NTRK1: variants seen among roughly 807,000 people sequenced by gnomAD.
NTRK1 encodes the protein high affinity nerve growth factor receptor.
A neutral mutation model predicts 86.8 loss-of-function variants in NTRK1; 62 were observed. The observed-to-expected ratio is 0.71, with a 90% CI of 0.58 to 0.88. The LOEUF (loss-of-function observed/expected upper bound fraction) is 0.88, where lower values mean the gene tolerates loss of function less well. NTRK1 is among the 40% of genes least tolerant of loss of function. The pLI is 0.00. For synonymous variants in NTRK1, 469 were observed against 456.6 expected (o/e 1.03, Z -0.35); for missense variants, 967 against 1,078.4 (o/e 0.90, Z 1.45).
Position 156,873,728 on chromosome 1 carries a change from C to G in NTRK1, c.946C>G (p.Leu316Val), listed in dbSNP as rs1259835419. The change falls in exon 8 of 17, where the codon CTC (leucine) becomes GTC (valine). Residue 316 changes from leucine to valine, a missense_variant. Coordinates refer to ENST00000524377, the MANE Select transcript of NTRK1 (RefSeq NM_002529.4). ...DGQPAPSLRWLFNGSVLNETS... is the reference protein window; with the variant it reads ...DGQPAPSLRWVFNGSVLNETS... ...GCAGCCGGCACCGTCTCTGCGCTGG[C>G]TCTTCAATGGCTCCGTGCTCAATGA... The G allele has an allele frequency of 6.2e-6, 10 of 1,613,030 alleles. No individual in the cohort carries two copies. The highest frequency in any genetic ancestry group is 8.5e-6 in the Non-Finnish European group (10 of 1,179,700).
At chr1:156,870,565 G>T (rs1366091245) in intron 6 of NTRK1, among the ~76,000 whole-genome samples, 1 of 152,162 alleles carries the variant, frequency 6.6e-6, no homozygotes, top group Admixed American at 6.5e-5. Context: ...CGAAGTGGCT[G>T]GAACCCAGAG....
At chr1:156,855,212 T>C (rs4661064) in intron 2 of NTRK1, among the ~76,000 whole-genome samples, 157 of 28,578 alleles carry the variant, frequency 5.5e-3, no homozygotes, top group African/African-American at 0.013. Context: ...ATCTATCTAT[T>C]TATTTATTTG....
chr1:156,844,935 G>T (rs559616450), intron 2 of NTRK1: 1 of 1,576,828 alleles, frequency 6.3e-7, no homozygotes, highest in African/African-American at 1.3e-5. Context: ...CTGGGAGGTG[G>T]GGAAAGCTTT....
intron 1 of NTRK1, among the ~76,000 whole-genome samples, chr1:156,822,065 T>C (rs962107472): frequency 2.6e-5 from 4 of 152,194 alleles, no homozygotes; most frequent in Non-Finnish European, 5.9e-5. Context: ...AGGGCTCTGA[T>C]AGAGGCAGTG....
chr1:156,861,739 C>G (rs966065365), intron 1 of NTRK1, among the ~76,000 whole-genome samples: 2 of 152,124 alleles, frequency 1.3e-5, no homozygotes, highest in African/African-American at 4.8e-5. Flanking sequence ...AAATGGGACC[C>G]CCTCCTGGAT....
chr1:156,841,271 C>T lies in NTRK1; in HGVS notation c.-63-810C>T, dbSNP rs537019000. 806 of 1,053,156 alleles carry T rather than the reference C, an allele frequency of 7.7e-4. 3 individuals are homozygous for T. Among genetic ancestry groups the T allele is most frequent in the Middle Eastern group, 4.5e-3 (15 of 3,348 alleles). The allele number at this position is 1,053,156 out of a possible 1,614,324, so 65.2% of individuals were successfully genotyped here. A position where few individuals can be genotyped will look rare whatever the true frequency, so the allele number is the denominator to read the frequency against. ...TTGGGGGTTTGGGATAGGGGGGTGG[C>T]GCTCATAGCTGAGGGTCAGTGGATG... is the stretch of plus-strand genomic sequence containing the variant. On this transcript the variant is annotated intron_variant, in intron 1 of 16. Coordinates refer to the NTRK1 transcript ENST00000392302.
intron 1 of NTRK1, among the ~76,000 whole-genome samples, chr1:156,838,655 G>T (rs746620903): frequency 2.0e-5 from 3 of 152,222 alleles, no homozygotes; most frequent in Non-Finnish European, 4.4e-5. Context: ...GACTTGGACA[G>T]CAATAGAGCT....
chr1:156,817,873 C>A (rs1006795471), intron 1 of NTRK1, among the ~76,000 whole-genome samples: 2 of 152,088 alleles, frequency 1.3e-5, no homozygotes, highest in Non-Finnish European at 2.9e-5. Context: ...GAACTCCTGG[C>A]GTCAAGTGAT....
intron 15 of NTRK1, 104 bp downstream of exon 15, chr1:156,879,466 T>G: frequency 7.0e-7 from 1 of 1,429,058 alleles, no homozygotes; most frequent in Non-Finnish European, 9.4e-7. Flanking sequence ...GCTGCATGGG[T>G]CTGAGATTCA....
At chr1:156,846,098 AC>A in intron 2 of NTRK1, 1 of 1,605,178 alleles carries the variant, frequency 6.2e-7, no homozygotes, top group South Asian at 1.1e-5. Flanking sequence ...CGTGGAGATG[AC>A]GTCTTGGGGC....
chr1:156,851,308 C>G, intron 2 of NTRK1: 1 of 1,614,124 alleles, frequency 6.2e-7, no homozygotes, highest in South Asian at 1.1e-5. Context: ...CATGGCGTCT[C>G]CCCGGATTAG....
rs374392471 is a variant in NTRK1, at chr1:156,851,409, G to A, written c.50+9216G>A. On this transcript the variant is annotated intron_variant, in intron 2 of 16. Transcript: ENST00000392302. ...TAATGGTTTCTACCAGCCCCAGGCT[G>A]TGCTGCAGCTGTGGCTCCAGGTTGT... 42 of 1,614,068 alleles carry A rather than the reference G, an allele frequency of 2.6e-5. 1 individual carries two copies. In the Middle Eastern group the frequency reaches 4.9e-4, roughly 19 times the overall value.
chr1:156,881,103 T>C (rs991356558), intron 16 of NTRK1, among the ~76,000 whole-genome samples: 3 of 152,192 alleles, frequency 2.0e-5, no homozygotes, highest in Non-Finnish European at 4.4e-5. Context: ...CAGAGGGCCC[T>C]TCTCCTCCTC....
In NTRK1 at chr1:156,874,921, G is replaced by A. The variant is rs1647804518; in HGVS notation, c.1267G>A (p.Gly423Ser). 6.2e-7 allele frequency: 1 copy of A among 1,613,402 alleles called. No homozygotes were observed. Among genetic ancestry groups the A allele is most frequent in the Non-Finnish European group, 8.5e-7 (1 of 1,179,698 alleles). ...CCCCCACCAGGTCTCGGTGGCTGTG[G>A]GCCTGGCCGTCTTTGCCTGCCTCTT... The part of the protein sequence containing the change: ...ETPFGVSVAV[G>S]LAVFACLFLS... Residue 423 changes from glycine (G) to serine (S), a missense_variant, in exon 11 of 17, where the codon GGC becomes AGC. This residue lies in a region of NTRK1 where 637 missense variants were observed against 776.5 expected (regional missense o/e 0.82). Coordinates refer to ENST00000524377, the MANE Select transcript of NTRK1 (RefSeq NM_002529.4).
upstream of NTRK1, among the ~76,000 whole-genome samples, chr1:156,859,678 CCTT>C (rs1655541174): frequency 6.6e-6 from 1 of 151,962 alleles, no homozygotes; most frequent in Non-Finnish European, 1.5e-5. This position sits in a 1 kb window ranked among gnomAD's most constrained non-coding sequence, Gnocchi z 6.2. Flanking sequence ...CGTCTGGTCA[CCTT>C]CTTGAGCTCA....
chr1:156,842,931 C>T, intron 2 of NTRK1: 1 of 1,214,168 alleles, frequency 8.2e-7, no homozygotes, highest in Non-Finnish European at 1.2e-6. Context: ...AACCTCATCT[C>T]TGACCCTTTC....
At chr1:156,879,595 T>A (rs192795693) in intron 15 of NTRK1, among the ~76,000 whole-genome samples, 1 of 152,178 alleles carries the variant, frequency 6.6e-6, no homozygotes, top group Admixed American at 6.5e-5. Context: ...GAGCCACCAC[T>A]GTTTGTTTAT....
intron 2 of NTRK1, chr1:156,853,937 G>C: frequency 1.2e-6 from 2 of 1,613,936 alleles, no homozygotes; most frequent in Non-Finnish European, 1.7e-6. Context: ...GTCAATGGTG[G>C]AGAGGTGGCA....
chr1:156,816,066 G>A (rs1558069871), intron 1 of NTRK1: 3 of 1,614,066 alleles, frequency 1.9e-6, no homozygotes, highest in East Asian at 4.5e-5. Flanking sequence ...GGAAGGTGCT[G>A]AAGGTTGGGA....
Sources: gnomAD v4.1 joint callset for allele counts (sites outside exome capture counted in the v4.1 genomes callset) on GRCh38, gnomAD v4.1.1 for gene constraint, gnomAD v4.1.1 regional missense constraint, Gnocchi (gnomAD v3.1) non-coding constraint, MANE v1.5 for transcripts, NCBI Gene and HGNC (gene_info 2026-07-23, HGNC 2026-07-21) for gene names.